The following PCDH11X variants were observed in gnomAD, a reference collection of about 807,000 sequenced individuals.
The protein encoded by PCDH11X is protocadherin-11 X-linked.
PCDH11X carries 18 observed loss-of-function variants against 53.3 expected under a neutral mutation model. The observed-to-expected ratio is 0.34, with a 90% CI of 0.23 to 0.50. PCDH11X has a LOEUF of 0.50. Ranked by LOEUF, PCDH11X falls within the 20% of genes least tolerant of loss-of-function variation. PCDH11X has a pLI of 0.98. For missense variants in PCDH11X, 570 were observed against 1,032.4 expected (o/e 0.55, Z 6.14); for synonymous variants, 279 against 393.3 (o/e 0.71, Z 3.44).
chrX:92,561,257 G>A (rs1422057630), intron 10 of PCDH11X, among the ~76,000 whole-genome samples: 4 of 107,913 alleles, frequency 3.7e-5, no homozygotes, highest in Admixed American at 2.0e-4. Context: ...GAACTTGTAC[G>A]AGCATCAACA....
chrX:91,793,438 C>T (rs1206304656), intron 1 of PCDH11X, among the ~76,000 whole-genome samples: 2 of 109,668 alleles, frequency 1.8e-5, no homozygotes, highest in African/African-American at 3.3e-5. Context: ...GAATCTTATT[C>T]GGCAAAACTA....
intron 8 of PCDH11X, among the ~76,000 whole-genome samples, chrX:92,264,695 C>T (rs1052781006): frequency 3.6e-5 from 4 of 110,401 alleles, no homozygotes; most frequent in Non-Finnish European, 7.6e-5. Context: ...ATTTTTCTAG[C>T]TTAGTGAATA....
At chrX:91,903,009 G>T (rs2147787180) in intron 6 of PCDH11X, among the ~76,000 whole-genome samples, 1 of 111,667 alleles carries the variant, frequency 9.0e-6, no homozygotes, top group East Asian at 2.8e-4. Flanking sequence ...TCATACTACA[G>T]GTACTATTTT....
intron 9 of PCDH11X, among the ~76,000 whole-genome samples, chrX:92,420,039 T>C (rs1227315537): frequency 9.0e-6 from 1 of 111,208 alleles, no homozygotes; most frequent in Non-Finnish European, 1.9e-5. Context: ...CACTTTAATA[T>C]ATCTGTTGAC....
At chrX:91,807,337 C>T (rs1602259115) in intron 1 of PCDH11X, among the ~76,000 whole-genome samples, 1 of 110,428 alleles carries the variant, frequency 9.1e-6, no homozygotes, top group Non-Finnish European at 1.9e-5. Context: ...AAAGCGAAAA[C>T]CGTGTCTCTA....
At chrX:92,334,805 A>G (rs1239889345) in intron 8 of PCDH11X, among the ~76,000 whole-genome samples, 1 of 111,509 alleles carries the variant, frequency 9.0e-6, no homozygotes, top group Non-Finnish European at 1.9e-5. Context: ...GATTTTCTTA[A>G]TAAGGTTTTC....
chrX:91,967,349 C>T (rs1441409549), intron 6 of PCDH11X, among the ~76,000 whole-genome samples: 2 of 110,460 alleles, frequency 1.8e-5, no homozygotes, highest in South Asian at 4.0e-4. Context: ...CAGTGGCAAG[C>T]GCGCATTACC....
chrX:92,125,591 G>A (rs374827565), intron 6 of PCDH11X, among the ~76,000 whole-genome samples: 24 of 111,137 alleles, frequency 2.2e-4, no homozygotes, highest in African/African-American at 7.5e-4. Context: ...GCCCTTTTAA[G>A]GATGTTACTA....
At chrX:91,951,239 A>C (rs1447895246) in intron 6 of PCDH11X, among the ~76,000 whole-genome samples, 1 of 110,400 alleles carries the variant, frequency 9.1e-6, no homozygotes, top group Non-Finnish European at 1.9e-5. Flanking sequence ...TTTGCTATGG[A>C]ACACTGTGCA....
intron 1 of PCDH11X, among the ~76,000 whole-genome samples, chrX:91,784,629 A>G (rs1274505997): frequency 9.0e-6 from 1 of 111,609 alleles, no homozygotes; most frequent in Non-Finnish European, 1.9e-5. Flanking sequence ...TACCCACTTC[A>G]GCCTTCTTTC....
At chrX:91,886,947 G>A (rs1940243882) in intron 6 of PCDH11X, among the ~76,000 whole-genome samples, 1 of 98,306 alleles carries the variant, frequency 1.0e-5, no homozygotes, top group Admixed American at 1.1e-4. Flanking sequence ...CTCCAGCCTG[G>A]GCGACAGAGC....
chrX:92,453,927 T>A (rs2148650209), intron 9 of PCDH11X, among the ~76,000 whole-genome samples: 1 of 107,523 alleles, frequency 9.3e-6, no homozygotes, highest in East Asian at 2.9e-4. Flanking sequence ...ACAGTAATAG[T>A]TCCGGTGGGC....
chrX:92,518,662 C>G (rs1451982768), intron 10 of PCDH11X, among the ~76,000 whole-genome samples: 1 of 110,688 alleles, frequency 9.0e-6, no homozygotes, highest in Non-Finnish European at 1.9e-5. Flanking sequence ...CTGTTTAAGA[C>G]CTTCTGCGAG....
At chrX:91,886,852 T>A (rs1299463566) in intron 6 of PCDH11X, among the ~76,000 whole-genome samples, 1 of 106,487 alleles carries the variant, frequency 9.4e-6, no homozygotes, top group Non-Finnish European at 1.9e-5. Flanking sequence ...GCGCCTGTAG[T>A]CCCAGCTACT....
intron 10 of PCDH11X, among the ~76,000 whole-genome samples, chrX:92,610,566 C>T (rs1927264339): frequency 9.1e-6 from 1 of 109,775 alleles, no homozygotes; most frequent in Non-Finnish European, 1.9e-5. Context: ...TGGTTGATAG[C>T]TTATTTTGCT....
chrX:91,918,924 G>A (rs2147816025), intron 6 of PCDH11X, among the ~76,000 whole-genome samples: 1 of 111,148 alleles, frequency 9.0e-6, no homozygotes, highest in African/African-American at 3.3e-5. Flanking sequence ...GACTTAAGAG[G>A]GAAATGCATG....
chrX:91,870,591 C>T (rs1448060772), intron 5 of PCDH11X, among the ~76,000 whole-genome samples: 2 of 110,687 alleles, frequency 1.8e-5, no homozygotes, highest in Non-Finnish European at 3.8e-5. Flanking sequence ...ATGAATAGTA[C>T]TGTTCTACAA....
At chrX:92,101,661 C>T (rs1341264971) in intron 6 of PCDH11X, among the ~76,000 whole-genome samples, 1 of 110,174 alleles carries the variant, frequency 9.1e-6, no homozygotes, top group East Asian at 2.9e-4. Context: ...CCTTCTCAGA[C>T]CCTGTAGGAA....
In PCDH11X at chrX:92,263,005, T is replaced by C. The variant is rs2067750522; in HGVS notation, c.3115-109T>C. The C allele has an allele frequency of 6.7e-6, 7 of 1,050,885 alleles. No individual in the cohort carries two copies. The East Asian group carries it at 2.4e-4, about 36-fold the overall frequency. The allele number at this position is 1,050,885 out of a possible 1,213,427, so 86.6% of individuals were successfully genotyped here. On this transcript the variant is annotated intron_variant, in intron 7 of 10. Coordinates refer to ENST00000682573, the MANE Select transcript of PCDH11X (RefSeq NM_032968.5). ...ATTGCACTGGGAATGTTGACATGCT[T>C]TTTTTTCAAAAAAAAAAAAAATGTA...
Sources: allele counts gnomAD v4.1 joint callset (sites outside exome capture counted in the v4.1 genomes callset), GRCh38; gene constraint gnomAD v4.1.1; transcripts MANE v1.5; gene names NCBI Gene and HGNC (gene_info 2026-07-23, HGNC 2026-07-21).